ATP13A3: variants seen among roughly 807,000 people sequenced by gnomAD.
ATP13A3 encodes ATPase 13A3.
In ATP13A3, 59 loss-of-function variants were observed where a neutral mutation model predicts 158.1. That is an observed-to-expected ratio of 0.37 (90% confidence interval 0.30 to 0.46). The LOEUF (loss-of-function observed/expected upper bound fraction) is 0.46, where lower values mean the gene tolerates loss of function less well. Among genes scored for constraint, ATP13A3 ranks in the 20% least tolerant of loss-of-function variants. The pLI is 1.00. For synonymous variants in ATP13A3, 491 were observed against 504.3 expected, an observed-to-expected ratio of 0.97 and a Z score of 0.35; for missense variants, 1,166 against 1,525.2, an observed-to-expected ratio of 0.76 and a Z score of 3.92.
chr3:194,492,709 G>T (rs2109098100), intron 2 of ATP13A3, among the ~76,000 whole-genome samples: 1 of 152,228 alleles, frequency 6.6e-6, no homozygotes, highest in East Asian at 1.9e-4. Flanking sequence ...ACCTGCTTCA[G>T]CCTCCAAAAG....
At chr3:194,422,431 T>C (rs554754141) in intron 30 of ATP13A3, among the ~76,000 whole-genome samples, 1 of 152,282 alleles carries the variant, frequency 6.6e-6, no homozygotes, top group South Asian at 2.1e-4. Context: ...GTCAAGGGTG[T>C]TCCTTAAGAT....
At position 194,404,926 on chromosome 3, in the gene ATP13A3, A is replaced by G. The variant is rs899931880; in HGVS notation, c.*993T>C. ...CAGTATTTTTTAAGCCTCATTATTG[A>G]TAAGACAGAGACATACATCAAACCT... is the stretch of plus-strand genomic sequence containing the variant. On this transcript the variant is annotated 3_prime_UTR_variant, in exon 34 of 34. Coordinates refer to ENST00000645319, the MANE Select transcript of ATP13A3 (RefSeq NM_001367549.1). 10 of 152,224 alleles carry G rather than the reference A, an allele frequency of 6.6e-5. No homozygotes were observed. The highest frequency in any genetic ancestry group is 2.2e-4 in the African/African-American group (9 of 41,462). The allele number at this position is 152,224 out of a possible 1,614,324, so 9.4% of individuals were successfully genotyped here.
At chr3:194,420,940 G>T (rs1332333032) in intron 30 of ATP13A3, among the ~76,000 whole-genome samples, 2 of 149,808 alleles carry the variant, frequency 1.3e-5, no homozygotes, top group Non-Finnish European at 3.0e-5. Context: ...ACTGGGTAAA[G>T]AACTTACTTT....
At chr3:194,436,259 C>T (rs1230687210) in intron 20 of ATP13A3, among the ~76,000 whole-genome samples, 2 of 152,106 alleles carry the variant, frequency 1.3e-5, no homozygotes, top group Admixed American at 6.5e-5. Context: ...AACAAAAATG[C>T]TATCCTCCAA....
chr3:194,468,436 A>G (rs933093636), intron 2 of ATP13A3, among the ~76,000 whole-genome samples: 1 of 152,122 alleles, frequency 6.6e-6, no homozygotes, highest in Middle Eastern at 3.4e-3. Flanking sequence ...CTACTGGGAA[A>G]AAAAATCTCA....
In ATP13A3 at chr3:194,421,122, ATATATATATATATAG is replaced by A. The variant is rs1487876299; in HGVS notation, c.3314-1170_3314-1156del. Among the ~76,000 whole-genome samples, 23 of 71,944 alleles carry A rather than the reference ATATATATATATATAG, an allele frequency of 3.2e-4. 1 individual carries two copies. The highest frequency in any genetic ancestry group is 1.1e-3 in the African/African-American group (10 of 8,936). 47.2% of individuals were successfully genotyped at this position (71,944 alleles called of 152,430 possible). A position where few individuals can be genotyped will look rare whatever the true frequency, so the allele number is the denominator to read the frequency against. ...ATACCAGTGTGTAGGGTGTATATAT[ATATATATATATATAG>A]TATATATATATATATATATATATAT... On this transcript the variant is annotated intron_variant, in intron 30 of 33. Transcript: ENST00000645319.
rs748066256 is a variant in ATP13A3, at chr3:194,494,029, A to C, written n.746+21T>G. On this transcript the variant is annotated intron_variant and non_coding_transcript_variant, in intron 2 of 32. Coordinates refer to the ATP13A3 transcript ENST00000687055. The surrounding 1 kb of genome is among the most constrained non-coding windows in gnomAD (Gnocchi z 4.2). ...AAAATCCCATTTTACAGAATGGAAAAAGAGGTGTTCAATAACTCACCCGAA... is the reference window on the plus strand; with the variant it reads ...AAAATCCCATTTTACAGAATGGAAACAGAGGTGTTCAATAACTCACCCGAA... 7.6e-6 allele frequency: 3 copies of C among 397,258 alleles called. No individual in the cohort carries two copies. The highest frequency in any genetic ancestry group is 2.1e-5 in the African/African-American group (1 of 48,586). The allele number at this position is 397,258 out of a possible 1,614,324, so 24.6% of individuals were successfully genotyped here. A position where few individuals can be genotyped will look rare whatever the true frequency, so the allele number is the denominator to read the frequency against.
chr3:194,431,483 G>C (rs915995937), intron 22 of ATP13A3, among the ~76,000 whole-genome samples: 1 of 152,084 alleles, frequency 6.6e-6, no homozygotes, highest in Non-Finnish European at 1.5e-5. Flanking sequence ...TAAACATCTG[G>C]AATTCTTGTA....
chr3:194,447,991 C>A lies in ATP13A3; in HGVS notation c.1169G>T (p.Gly390Val). 2 of 1,607,372 alleles carry A rather than the reference C, an allele frequency of 1.2e-6. No homozygotes were observed. The highest frequency in any genetic ancestry group is 2.7e-5 in the African/African-American group (2 of 74,770). Residue 390 changes from glycine to valine, a missense_variant, in exon 13 of 34, where the codon GGA (glycine) becomes GTA (valine). Gly to Val is a moderately radical substitution (Grantham distance 109). Coordinates refer to ENST00000645319, the MANE Select transcript of ATP13A3 (RefSeq NM_001367549.1). ...VVRTGFSTSKGQLVRSILYPK... is the reference protein window; with the variant it reads ...VVRTGFSTSKVQLVRSILYPK... ...ATACAATATGGAACGAACAAGCTGT[C>A]CTTTGGAAGTACTAAATCCTTTCAA...
At chr3:194,411,392 T>C (rs185628512) in intron 33 of ATP13A3, among the ~76,000 whole-genome samples, 10 of 152,276 alleles carry the variant, frequency 6.6e-5, no homozygotes, top group African/African-American at 2.2e-4. Context: ...GGTAAGGCAA[T>C]GAAGGGGTGA....
At chr3:194,457,934 C>T (rs1249109339) in intron 6 of ATP13A3, among the ~76,000 whole-genome samples, 2 of 152,034 alleles carry the variant, frequency 1.3e-5, no homozygotes, top group African/African-American at 4.8e-5. Flanking sequence ...TACAGGCACA[C>T]ACCACCATGC....
intron 2 of ATP13A3, among the ~76,000 whole-genome samples, chr3:194,475,037 G>A (rs768777177): frequency 2.6e-5 from 4 of 152,140 alleles, no homozygotes; most frequent in East Asian, 3.8e-4. Flanking sequence ...AGCGCAGCAC[G>A]GTGGAGAGGA....
chr3:194,409,692 A>C (rs1465210844), intron 33 of ATP13A3, among the ~76,000 whole-genome samples: 4 of 107,768 alleles, frequency 3.7e-5, no homozygotes, highest in African/African-American at 6.7e-5. Context: ...TGACGTAAAG[A>C]ATTTTTTTTT....
chr3:194,486,372 C>A (rs960417094), intron 1 of ATP13A3, among the ~76,000 whole-genome samples, 194 bp downstream of exon 1: 1 of 151,796 alleles, frequency 6.6e-6, no homozygotes, highest in African/African-American at 2.4e-5. Flanking sequence ...CGCGTCCCCC[C>A]CAGGCCTTCG....
At chr3:194,450,043 T>TA in intron 11 of ATP13A3, 102 bp downstream of exon 11, 1 of 1,230,894 alleles carries the variant, frequency 8.1e-7, no homozygotes, top group South Asian at 1.4e-5. Flanking sequence ...TATTCATGAG[T>TA]AAAGGTACAA....
chr3:194,408,946 T>C (rs1715152443), intron 33 of ATP13A3, among the ~76,000 whole-genome samples: 1 of 152,164 alleles, frequency 6.6e-6, no homozygotes, highest in South Asian at 2.1e-4. Context: ...ACAAAGGCCA[T>C]GAAACAGGGC....
At chr3:194,408,543 T>A (rs1005301428) in intron 33 of ATP13A3, among the ~76,000 whole-genome samples, 1 of 152,162 alleles carries the variant, frequency 6.6e-6, no homozygotes, top group African/African-American at 2.4e-5. Flanking sequence ...AGTCAACCAA[T>A]AAAATTAAAA....
At chr3:194,459,750 C>T in intron 5 of ATP13A3, 39 bp downstream of exon 5, 1 of 1,564,002 alleles carries the variant, frequency 6.4e-7, no homozygotes, top group Non-Finnish European at 8.7e-7. Flanking sequence ...TGTAACAATT[C>T]TGATTTTTAA....
chr3:194,419,658 T>A (rs1716148759), intron 31 of ATP13A3: 1 of 545,266 alleles, frequency 1.8e-6, no homozygotes, highest in Non-Finnish European at 2.3e-6. Context: ...CAAGGGCTAT[T>A]TAATTTGTTT....
Sources: allele counts gnomAD v4.1 joint callset (sites outside exome capture counted in the v4.1 genomes callset), GRCh38; gene constraint gnomAD v4.1.1; non-coding constraint Gnocchi (gnomAD v3.1); transcripts MANE v1.5; gene names NCBI Gene and HGNC (gene_info 2026-07-23, HGNC 2026-07-21).